The following FAM131B variants were observed in gnomAD, a reference collection of about 807,000 sequenced individuals.
FAM131B encodes the protein family with sequence similarity 131 member B, also known as protein FAM131B.
FAM131B carries 19 observed loss-of-function variants against 42.0 expected under a neutral mutation model. The observed-to-expected ratio is 0.45, with a 90% CI of 0.32 to 0.66. FAM131B has a LOEUF of 0.66. FAM131B is among the 30% of genes least tolerant of loss of function. The pLI, the probability that FAM131B is intolerant of heterozygous loss-of-function variation, is 0.05. For synonymous variants in FAM131B, 183 were observed against 177.6 expected (o/e 1.03, Z -0.24); for missense variants, 370 against 468.4 (o/e 0.79, Z 1.94).
chr7:143,360,061 G>T lies in FAM131B; in HGVS notation c.117C>A (p.Ser39Arg), dbSNP rs201214299. The T allele has an allele frequency of 6.2e-7, 1 of 1,613,534 alleles. No homozygotes were observed. The highest frequency in any genetic ancestry group is 2.2e-5 in the East Asian group (1 of 44,870). ...MDSTSSLHGS[S>R]LHRPSTEQTR... ...TCACCTCAGTCGATGGCCGATGGAG[G>T]CTGCTCCCGTGCAGTGAGCTGGTGC... Residue 39 changes from serine (S) to arginine (R), a missense_variant, in exon 2 of 7, where the codon AGC becomes AGA. Coordinates refer to ENST00000443739, the MANE Select transcript of FAM131B (RefSeq NM_001031690.3).
In FAM131B at chr7:143,356,620, C is replaced by T. The variant is rs143238060; in HGVS notation, c.1013G>A (p.Arg338Gln). 1.1e-3 allele frequency: 1,832 copies of T among 1,613,986 alleles called. 6 individuals carry two copies. Among genetic ancestry groups the T allele is most frequent in the Non-Finnish European group, 1.4e-3 (1,663 of 1,179,990 alleles). The stretch of plus-strand genomic sequence containing the variant: ...TGAGGATGTGACGTCAGACACCTTC[C>T]GGCTGAGAGCGGTAGACATCTCAGG... ...EDPEMSTALS[R>Q]KVSDVTSSGV... Residue 338 changes from arginine to glutamine, a missense_variant, in exon 7 of 7, where the codon CGG (arginine) becomes CAG (glutamine). Transcript: ENST00000443739. The surrounding 1 kb of genome is among the most constrained non-coding windows in gnomAD (Gnocchi z 4.4).
At position 143,354,234 on chromosome 7, in the gene FAM131B, C is replaced by A. The variant is rs1803556287; in HGVS notation, c.*2316G>T. 6.6e-6 allele frequency: 1 copy of A among 152,470 alleles called. No individual in the cohort carries two copies. Among genetic ancestry groups the A allele is most frequent in the Non-Finnish European group, 1.5e-5 (1 of 68,070 alleles). 9.4% of individuals were successfully genotyped at this position (152,470 alleles called of 1,614,324 possible). A position where few individuals can be genotyped will look rare whatever the true frequency, so the allele number is the denominator to read the frequency against. ...TGGGGAAAGCAGGTTCATGTATGAA[C>A]CCTGCTAGAGTCCTTCAGATCTTTA... is the stretch of plus-strand genomic sequence containing the variant. On this transcript the variant is annotated 3_prime_UTR_variant, in exon 7 of 7. Transcript: ENST00000443739.
At chr7:143,368,127 C>G in the FAM131B span, among the ~76,000 whole-genome samples, 1 of 152,358 alleles carries the variant, frequency 6.6e-6, no homozygotes, top group African/African-American at 2.4e-5. Flanking sequence ...CACACAGCAC[C>G]TCAGGGTGTC....
chr7:143,380,887 C>T, the FAM131B span: 1 of 681,694 alleles, frequency 1.5e-6, no homozygotes, highest in Non-Finnish European at 1.8e-6. The surrounding 1 kb of genome is among the most constrained non-coding windows in gnomAD (Gnocchi z 5.0). Flanking sequence ...AACGGCAGGC[C>T]CGAGAGGAGG....
the FAM131B span, chr7:143,381,823 G>T: frequency 6.8e-7 from 1 of 1,474,078 alleles, no homozygotes; most frequent in East Asian, 2.5e-5. Context: ...AGGAGCCGGG[G>T]TGGGGGGCAG....
the FAM131B span, among the ~76,000 whole-genome samples, chr7:143,370,924 A>G: frequency 2.0e-5 from 3 of 152,104 alleles, no homozygotes; most frequent in East Asian, 5.8e-4. Context: ...CTCCATGTTA[A>G]CAGATTTTGT....
chr7:143,362,047 G>A lies in FAM131B; in HGVS notation c.28+529C>T, dbSNP rs948521086. The A allele has an allele frequency of 1.2e-5, 12 of 984,972 alleles. No individual in the cohort carries two copies. Among genetic ancestry groups the A allele is most frequent in the Non-Finnish European group, 1.3e-5 (11 of 829,588 alleles). The allele number at this position is 984,972 out of a possible 1,614,324, so 61.0% of individuals were successfully genotyped here. A position where few individuals can be genotyped will look rare whatever the true frequency, so the allele number is the denominator to read the frequency against. On this transcript the variant is annotated intron_variant, in intron 1 of 6. Coordinates refer to ENST00000443739, the MANE Select transcript of FAM131B (RefSeq NM_001031690.3). The surrounding 1 kb of genome is among the most constrained non-coding windows in gnomAD (Gnocchi z 7.7). The stretch of plus-strand genomic sequence containing the variant: ...AAAGCGAATCGGAGGAGGCAGGAAC[G>A]ACAGTAAAAGGCAACGGAGAGGGAG...
intron 6 of FAM131B, 46 bp from the exon 7 acceptor site, chr7:143,357,068 G>T: frequency 7.0e-7 from 1 of 1,431,420 alleles, no homozygotes; most frequent in Non-Finnish European, 9.8e-7. Context: ...GAATGTCAAG[G>T]GCAGGAATGA....
At chr7:143,380,616 T>C in the FAM131B span, 1 of 985,334 alleles carries the variant, frequency 1.0e-6, no homozygotes, top group Non-Finnish European at 1.2e-6. This position sits in a 1 kb window ranked among gnomAD's most constrained non-coding sequence, Gnocchi z 5.0. Context: ...ACCGATCTGC[T>C]GGCTGGGGCG....
upstream of FAM131B, among the ~76,000 whole-genome samples, chr7:143,366,495 A>G (rs58270345): frequency 0.5 from 76,258 of 151,678 alleles, 19,779 homozygotes; most frequent in Middle Eastern, 0.62. Flanking sequence ...GCTGGAAAAC[A>G]TTGGTAAGAA....
At chr7:143,380,893 G>A in the FAM131B span, 1,800 of 634,322 alleles carry the variant, frequency 2.8e-3, 34 homozygotes, top group African/African-American at 0.034. This position sits in a 1 kb window ranked among gnomAD's most constrained non-coding sequence, Gnocchi z 5.0. Context: ...AGGCCCGAGA[G>A]GAGGTCGCTG....
chr7:143,360,998 G>A (rs1057077430), intron 1 of FAM131B: 3 of 152,100 alleles, frequency 2.0e-5, no homozygotes, highest in Non-Finnish European at 4.4e-5. Context: ...GAACTGCTTG[G>A]GTCTTCATAA....
chr7:143,359,051 C>T lies in FAM131B; in HGVS notation c.269-27G>A, dbSNP rs1252824071. On this transcript the variant is annotated intron_variant, in intron 4 of 6. Transcript: ENST00000443739. The surrounding 1 kb of genome is among the most constrained non-coding windows in gnomAD (Gnocchi z 5.4). ...TATGGGGCCAGACATTTCCCACATC[C>T]TCCAGAATATCACACAATACCCATA... 6.2e-7 allele frequency: 1 copy of T among 1,606,226 alleles called. No homozygotes were observed. Among genetic ancestry groups the T allele is most frequent in the Admixed American group, 1.7e-5 (1 of 59,744 alleles).
the FAM131B span, among the ~76,000 whole-genome samples, chr7:143,377,119 G>A: frequency 6.6e-6 from 1 of 151,982 alleles, no homozygotes; most frequent in Non-Finnish European, 1.5e-5. Context: ...CACCAACCCG[G>A]CTTATGTTTG....
rs368289551 is a variant in FAM131B at position 143,356,781 on chromosome 7, G to A, written c.852C>T (p.Asp284=). 1 of 1,614,004 alleles carries A rather than the reference G, an allele frequency of 6.2e-7. No individual in the cohort carries two copies. Residue 284 remains aspartate (D), a synonymous_variant, in exon 7 of 7, where the codon GAC becomes GAT. Coordinates refer to ENST00000443739, the MANE Select transcript of FAM131B (RefSeq NM_001031690.3). This position sits in a 1 kb window ranked among gnomAD's most constrained non-coding sequence, Gnocchi z 4.4. ...CGCCTACCCCCGGAGCCCAGTCAGT[G>A]TCTCCCCCCAGCAAAGGTGGAGGCT... The part of the protein sequence containing the change: ...ALEPPPLLGG[D]TDWAPGVGAV...
intron 1 of FAM131B, 107 bp from the exon 2 acceptor site, chr7:143,360,256 C>T (rs1803896156): frequency 6.6e-7 from 1 of 1,519,770 alleles, no homozygotes; most frequent in Non-Finnish European, 8.8e-7. Context: ...CTGCCCATTT[C>T]CTCTTATATC....
the FAM131B span, chr7:143,380,447 AGAG>A: frequency 1.0e-6 from 1 of 985,218 alleles, no homozygotes; most frequent in South Asian, 4.7e-5. The surrounding 1 kb of genome is among the most constrained non-coding windows in gnomAD (Gnocchi z 5.0). Flanking sequence ...GGGGTCTCCA[AGAG>A]GAGTGGGTCG....
the FAM131B span, among the ~76,000 whole-genome samples, chr7:143,375,070 A>G: frequency 6.6e-6 from 1 of 152,214 alleles, no homozygotes; most frequent in Non-Finnish European, 1.5e-5. Context: ...CCCAGCACCT[A>G]ACAAACTGTC....
chr7:143,381,588 C>A, the FAM131B span: 1 of 1,610,782 alleles, frequency 6.2e-7, no homozygotes. Context: ...GCCCCCCGCC[C>A]GTCTCCCGCG....
Sources: allele counts gnomAD v4.1 joint callset (sites outside exome capture counted in the v4.1 genomes callset), GRCh38; gene constraint gnomAD v4.1.1; non-coding constraint Gnocchi (gnomAD v3.1); transcripts MANE v1.5; gene names NCBI Gene and HGNC (gene_info 2026-07-23, HGNC 2026-07-21).